PLEKHA7: variants seen among roughly 807,000 people sequenced by gnomAD.
PLEKHA7 encodes the protein pleckstrin homology domain containing A7, also known as pleckstrin homology domain-containing family A member 7.
A neutral mutation model predicts 170.0 loss-of-function variants in PLEKHA7; 104 were observed. The observed-to-expected ratio is 0.61, with a 90% confidence interval of 0.52 to 0.72. The LOEUF (loss-of-function observed/expected upper bound fraction) is 0.72, where lower values mean the gene tolerates loss of function less well. Ranked by LOEUF, PLEKHA7 falls within the 30% of genes least tolerant of loss-of-function variation. The pLI is 0.00. For missense variants in PLEKHA7, 1,615 were observed against 1,671.7 expected (o/e 0.97, Z 0.59); for synonymous variants, 648 against 660.8 (o/e 0.98, Z 0.30).
chr11:16,802,118 TA>T (rs1434056235), intron 15 of PLEKHA7, among the ~76,000 whole-genome samples: 4 of 151,518 alleles, frequency 2.6e-5, no homozygotes, highest in African/African-American at 4.9e-5. Context: ...ATCAAAGAAT[TA>T]AAAAAACAAA....
chr11:16,954,752 G>A (rs1299241321), intron 3 of PLEKHA7, among the ~76,000 whole-genome samples: 8 of 150,972 alleles, frequency 5.3e-5, no homozygotes, highest in Non-Finnish European at 8.8e-5. Context: ...GTGCAATGGC[G>A]CAATCTCGGC....
At chr11:16,956,613 T>C (rs1861716988) in intron 3 of PLEKHA7, among the ~76,000 whole-genome samples, 1 of 152,228 alleles carries the variant, frequency 6.6e-6, no homozygotes, top group Non-Finnish European at 1.5e-5. Flanking sequence ...TAGCTTGTAT[T>C]TTAGTTATAC....
chr11:16,782,987 C>G, intron 25 of PLEKHA7, 91 bp from the exon 26 acceptor site: 1 of 1,357,636 alleles, frequency 7.4e-7, no homozygotes, highest in African/African-American at 1.5e-5. Context: ...AGGTTCTCAA[C>G]ATTTTGAGGG....
intron 3 of PLEKHA7, among the ~76,000 whole-genome samples, chr11:16,907,563 G>A (rs535750719): frequency 4.1e-5 from 5 of 122,782 alleles, no homozygotes; most frequent in Admixed American, 3.8e-4. Flanking sequence ...GAGGGAGGCG[G>A]GGGGGTCAGC....
At chr11:16,839,025 A>G (rs1439894685) in intron 9 of PLEKHA7, among the ~76,000 whole-genome samples, 1 of 152,198 alleles carries the variant, frequency 6.6e-6, no homozygotes, top group African/African-American at 2.4e-5. Context: ...GGTATTGATT[A>G]AAATTAAAAA....
At chr11:16,830,740 G>C (rs1851041549) in intron 9 of PLEKHA7, among the ~76,000 whole-genome samples, 1 of 152,062 alleles carries the variant, frequency 6.6e-6, no homozygotes. Flanking sequence ...CAGGCACCTG[G>C]GACTATAAGA....
intron 13 of PLEKHA7, among the ~76,000 whole-genome samples, chr11:16,803,687 C>T (rs577749250): frequency 7.2e-5 from 11 of 152,164 alleles, no homozygotes; most frequent in African/African-American, 2.7e-4. Context: ...GTTACGAAGC[C>T]CATCACCCCC....
Position 16,829,915 on chromosome 11 carries a change from C to T in PLEKHA7, c.873-3325G>A, listed in dbSNP as rs117352663. 1.2e-4 allele frequency among the ~76,000 whole-genome samples: 19 copies of T among 152,062 alleles called. No individual in the cohort carries two copies. In the East Asian group the frequency reaches 3.7e-3, roughly 29 times the overall value. ...TTTGTCTTTCCTTTCTCCCTTTAAG[C>T]CTCCATAACTAGATTAGTGTAAACT... On this transcript the variant is annotated intron_variant, in intron 9 of 26. Transcript: ENST00000531066.
chr11:16,793,769 C>A (rs1848019649), intron 19 of PLEKHA7, among the ~76,000 whole-genome samples: 2 of 152,230 alleles, frequency 1.3e-5, no homozygotes, highest in Admixed American at 1.3e-4. Context: ...AGCTTGGCCC[C>A]TTTCTATGCC....
At chr11:16,969,096 G>GA (rs777263862) in intron 3 of PLEKHA7, among the ~76,000 whole-genome samples, 17 of 152,244 alleles carry the variant, frequency 1.1e-4, no homozygotes, top group Middle Eastern at 3.4e-3. Context: ...GGGAGGAGGT[G>GA]AGAGAAGATT....
chr11:16,848,720 A>G (rs116758719), intron 8 of PLEKHA7, among the ~76,000 whole-genome samples: 1,880 of 152,312 alleles, frequency 0.012, 46 homozygotes, highest in African/African-American at 0.043. Context: ...GCTGATACAC[A>G]TTGTGACCTG....
At chr11:16,970,373 T>C (rs1862633805) in intron 3 of PLEKHA7, among the ~76,000 whole-genome samples, 1 of 151,948 alleles carries the variant, frequency 6.6e-6, no homozygotes, top group Non-Finnish European at 1.5e-5. Context: ...AAAGAGAAAA[T>C]GTAGGCTGGG....
At chr11:16,793,870 TAA>T (rs1848026005) in intron 19 of PLEKHA7, among the ~76,000 whole-genome samples, 1 of 152,268 alleles carries the variant, frequency 6.6e-6, no homozygotes, top group Admixed American at 6.5e-5. Context: ...TGGCACAGAA[TAA>T]AAGAGAAGGG....
chr11:16,976,154 C>A (rs72867318), intron 3 of PLEKHA7, among the ~76,000 whole-genome samples: 3,190 of 152,362 alleles, frequency 0.021, 43 homozygotes, highest in Non-Finnish European at 0.033. Context: ...CCTGGAATTT[C>A]TCAGGGTATT....
At chr11:17,005,784 T>C (rs183090914) in intron 3 of PLEKHA7, among the ~76,000 whole-genome samples, 262 of 152,348 alleles carry the variant, frequency 1.7e-3, no homozygotes, top group Middle Eastern at 6.8e-3. Flanking sequence ...TTCCTTTCGC[T>C]TTCTAAACAA....
rs1361051296 is a variant in PLEKHA7 at position 16,927,169 on chromosome 11, A to G, written c.222-55987T>C. Among the ~76,000 whole-genome samples the G allele has an allele frequency of 3.9e-5, 6 of 152,308 alleles. No homozygotes were observed. In the East Asian group the frequency reaches 1.2e-3, roughly 29 times the overall value. ...ACTCCATCCTGGGTGACAAAGCGAG[A>G]TCTTGTCTCAAAACAAAATAAAAAT... On this transcript the variant is annotated intron_variant, in intron 3 of 26. Coordinates refer to ENST00000531066, the MANE Select transcript of PLEKHA7 (RefSeq NM_001329630.2).
At chr11:16,925,235 G>C (rs1446454029) in intron 3 of PLEKHA7, among the ~76,000 whole-genome samples, 5 of 152,142 alleles carry the variant, frequency 3.3e-5, no homozygotes, top group Non-Finnish European at 5.9e-5. Flanking sequence ...AGGTAATCCT[G>C]TTAACAAGAA....
intron 3 of PLEKHA7, among the ~76,000 whole-genome samples, chr11:16,964,821 G>A (rs1399154935): frequency 6.6e-6 from 1 of 152,132 alleles, no homozygotes; most frequent in Non-Finnish European, 1.5e-5. Flanking sequence ...TCAATCCTGA[G>A]GTGCTCAAGA....
intron 3 of PLEKHA7, among the ~76,000 whole-genome samples, chr11:17,012,217 G>C (rs1469159844): frequency 6.6e-6 from 1 of 152,080 alleles, no homozygotes; most frequent in Non-Finnish European, 1.5e-5. Flanking sequence ...CTCCAATGAC[G>C]TTTCACTGGG....
Sources: allele counts gnomAD v4.1 joint callset (sites outside exome capture counted in the v4.1 genomes callset), GRCh38; gene constraint gnomAD v4.1.1; transcripts MANE v1.5; gene names NCBI Gene and HGNC (gene_info 2026-07-23, HGNC 2026-07-21).